ADK: variants seen among roughly 807,000 people sequenced by gnomAD.
The protein encoded by ADK is N6,N6-dimethyladenosine kinase.
A neutral mutation model predicts 44.7 loss-of-function variants in ADK; 24 were observed. The observed-to-expected ratio is 0.54, with a 90% CI of 0.39 to 0.76. ADK has a LOEUF of 0.76. Ranked by LOEUF, ADK falls within the 30% of genes least tolerant of loss-of-function variation. The pLI, the probability that ADK is intolerant of heterozygous loss-of-function variation, is 0.00. For synonymous variants in ADK, 128 were observed against 142.6 expected, an observed-to-expected ratio of 0.90 and a Z score of 0.73; for missense variants, 321 against 425.1, an observed-to-expected ratio of 0.76 and a Z score of 2.15.
intron 10 of ADK, among the ~76,000 whole-genome samples, chr10:74,685,883 A>G (rs1352462109): frequency 6.6e-6 from 1 of 152,100 alleles, no homozygotes; most frequent in Non-Finnish European, 1.5e-5. Flanking sequence ...AGTTCAGGTT[A>G]AGGAATTTTT....
intron 9 of ADK, among the ~76,000 whole-genome samples, chr10:74,616,891 A>T (rs531720437): frequency 6.6e-6 from 1 of 151,808 alleles, no homozygotes; most frequent in South Asian, 2.1e-4. Context: ...TTTTCTCAGG[A>T]TGTTTTTTTC....
chr10:74,178,895 C>T (rs900905230), intron 1 of ADK, among the ~76,000 whole-genome samples: 1 of 152,134 alleles, frequency 6.6e-6, no homozygotes, highest in African/African-American at 2.4e-5. Context: ...GCAAAATCAG[C>T]GGCAAAATTA....
At chr10:74,648,084 A>G (rs1463032281) in intron 9 of ADK, among the ~76,000 whole-genome samples, 1 of 152,006 alleles carries the variant, frequency 6.6e-6, no homozygotes, top group Non-Finnish European at 1.5e-5. Context: ...AAAAGTATAT[A>G]TATGTATATA....
chr10:74,525,572 A>C, intron 7 of ADK, 146 bp downstream of exon 7: 1 of 664,230 alleles, frequency 1.5e-6, no homozygotes, highest in Non-Finnish European at 2.5e-6. Flanking sequence ...AATTGCCTCA[A>C]TGTCAACTGC....
At chr10:74,353,506 A>G (rs1281315429) in intron 4 of ADK, among the ~76,000 whole-genome samples, 3 of 151,202 alleles carry the variant, frequency 2.0e-5, no homozygotes, top group African/African-American at 7.3e-5. Context: ...CCAAACCACC[A>G]TGGCACATGT....
At chr10:74,416,019 C>G (rs1844357169) in intron 6 of ADK, among the ~76,000 whole-genome samples, 1 of 126,862 alleles carries the variant, frequency 7.9e-6, no homozygotes. Flanking sequence ...TATATATACA[C>G]ACACATACAT....
chr10:74,317,866 CTG>C (rs886342695), intron 4 of ADK, among the ~76,000 whole-genome samples: 5 of 152,266 alleles, frequency 3.3e-5, no homozygotes, highest in Admixed American at 3.3e-4. Context: ...ACTGCAACCT[CTG>C]CCTCCCGGGT....
chr10:74,577,110 C>CTCTCTG (rs1554883617), intron 7 of ADK, among the ~76,000 whole-genome samples: 1 of 137,328 alleles, frequency 7.3e-6, no homozygotes, highest in Non-Finnish European at 1.6e-5. Flanking sequence ...TATTATTTCT[C>CTCTCTG]TGTGTGTGTG....
chr10:74,520,328 T>C (rs972107137), intron 6 of ADK, among the ~76,000 whole-genome samples: 1 of 151,872 alleles, frequency 6.6e-6, no homozygotes, highest in African/African-American at 2.4e-5. Context: ...CTTTTTTTTT[T>C]CTATATCACC....
At chr10:74,398,377 A>C in intron 5 of ADK, 94 bp from the exon 6 acceptor site, 1 of 680,384 alleles carries the variant, frequency 1.5e-6, no homozygotes, top group Admixed American at 2.6e-5. Flanking sequence ...TAAAATGTAA[A>C]TTTTAAACTT....
At chr10:74,633,075 T>C (rs1222288402) in intron 9 of ADK, among the ~76,000 whole-genome samples, 5 of 152,194 alleles carry the variant, frequency 3.3e-5, no homozygotes, top group Admixed American at 3.3e-4. Context: ...TTAATTTTTA[T>C]GAACATGGAA....
chr10:74,516,540 T>C (rs1305646385), intron 6 of ADK, among the ~76,000 whole-genome samples: 1 of 151,472 alleles, frequency 6.6e-6, no homozygotes, highest in Admixed American at 6.6e-5. Flanking sequence ...TTTTTTTTTT[T>C]TGAGATGGAG....
intron 9 of ADK, among the ~76,000 whole-genome samples, chr10:74,661,771 A>G (rs6480748): frequency 0.18 from 27,565 of 152,122 alleles, 2,764 homozygotes; most frequent in African/African-American, 0.25. Flanking sequence ...GTTAAACTAT[A>G]TTGTTCTTTC....
At chr10:74,167,575 G>C (rs937199754) in intron 1 of ADK, among the ~76,000 whole-genome samples, 2 of 152,126 alleles carry the variant, frequency 1.3e-5, no homozygotes, top group African/African-American at 4.8e-5. Context: ...AGTGTAGTTT[G>C]AGATCCTCTC....
intron 3 of ADK, among the ~76,000 whole-genome samples, chr10:74,231,982 T>C (rs1322306077): frequency 6.6e-6 from 1 of 151,706 alleles, no homozygotes; most frequent in East Asian, 1.9e-4. Flanking sequence ...TTTCTTTTAC[T>C]GATATGGTCA....
chr10:74,516,437 T>C (rs1383362624), intron 6 of ADK, among the ~76,000 whole-genome samples: 1 of 152,170 alleles, frequency 6.6e-6, no homozygotes, highest in Non-Finnish European at 1.5e-5. Flanking sequence ...CTTGATCCTT[T>C]TTTTGTGTGT....
chr10:74,326,133 A>G (rs1400748290), intron 4 of ADK, among the ~76,000 whole-genome samples: 1 of 152,134 alleles, frequency 6.6e-6, no homozygotes, highest in African/African-American at 2.4e-5. Flanking sequence ...TATTTTGTTC[A>G]GGATTTTTCT....
At chr10:74,516,029 C>T (rs1014213579) in intron 6 of ADK, among the ~76,000 whole-genome samples, 31 of 152,250 alleles carry the variant, frequency 2.0e-4, no homozygotes, top group African/African-American at 5.5e-4. Flanking sequence ...CTCAAGATGA[C>T]GCCATGTTAC....
At chr10:74,504,077 A>G (rs1157676822) in intron 6 of ADK, among the ~76,000 whole-genome samples, 1 of 152,234 alleles carries the variant, frequency 6.6e-6, no homozygotes, top group African/African-American at 2.4e-5. Context: ...GTTTAATTCA[A>G]GTAGAGCCAC....
Sources: allele counts gnomAD v4.1 joint callset (sites outside exome capture counted in the v4.1 genomes callset), GRCh38; gene constraint gnomAD v4.1.1; transcripts MANE v1.5; gene names NCBI Gene and HGNC (gene_info 2026-07-23, HGNC 2026-07-21).